The following PAPPA2 variants were observed in gnomAD, a reference collection of about 807,000 sequenced individuals.
PAPPA2 encodes pappalysin 2, also known as pappalysin-2.
A neutral mutation model predicts 176.4 loss-of-function variants in PAPPA2; 86 were observed. The observed-to-expected ratio is 0.49, with a 90% confidence interval of 0.41 to 0.58. The LOEUF (loss-of-function observed/expected upper bound fraction) is 0.58. Ranked by LOEUF, PAPPA2 falls within the 20% of genes least tolerant of loss-of-function variation. The pLI is 0.00. For synonymous variants in PAPPA2, 809 were observed against 852.2 expected (o/e 0.95, Z 0.88); for missense variants, 2,073 against 2,256.9 (o/e 0.92, Z 1.65).
intron 1 of PAPPA2, among the ~76,000 whole-genome samples, chr1:176,532,258 T>G (rs925912007): frequency 6.6e-6 from 1 of 152,174 alleles, no homozygotes; most frequent in Non-Finnish European, 1.5e-5. Context: ...GAGGTAAGCT[T>G]TTATGCCTCT....
In PAPPA2 at chr1:176,699,423, AC is replaced by A. The variant is rs1660544007; in HGVS notation, c.3072del (p.Phe1025LeufsTer5). 1 of 1,613,898 alleles carries A rather than the reference AC, an allele frequency of 6.2e-7. No homozygotes were observed. The highest frequency in any genetic ancestry group is 8.5e-7 in the Non-Finnish European group (1 of 1,179,996). On this transcript the variant is annotated frameshift_variant, in exon 8 of 23. Coordinates refer to ENST00000367662, the MANE Select transcript of PAPPA2 (RefSeq NM_020318.3). LOFTEE classifies it high-confidence loss of function. ...DGKVSGVKVY[T>X]FDERIEIDAA... Reference sequence around the variant, plus strand: ...GAAGGTGTCGGGGGTGAAAGTCTACACCTTTGATGAGAGGATAGAGATTGAT... The same window carrying A: ...GAAGGTGTCGGGGGTGAAAGTCTACACTTTGATGAGAGGATAGAGATTGAT...
chr1:176,590,268 C>T (rs564172201), intron 2 of PAPPA2, among the ~76,000 whole-genome samples: 16 of 152,304 alleles, frequency 1.1e-4, no homozygotes, highest in African/African-American at 3.4e-4. Flanking sequence ...GTAATGGAAT[C>T]GACTCAAACT....
chr1:176,473,712 G>C (rs1427694098), intron 1 of PAPPA2, among the ~76,000 whole-genome samples: 2 of 152,128 alleles, frequency 1.3e-5, no homozygotes, highest in Admixed American at 1.3e-4. Context: ...CAGTGTTTTG[G>C]ATTTTAGTCA....
At chr1:176,466,636 T>C (rs1414578790) in intron 1 of PAPPA2, among the ~76,000 whole-genome samples, 1 of 152,092 alleles carries the variant, frequency 6.6e-6, no homozygotes, top group East Asian at 1.9e-4. Context: ...GAGCCTTGAA[T>C]GAATCAGAGT....
At chr1:176,796,657 T>C (rs932075898) in intron 20 of PAPPA2, among the ~76,000 whole-genome samples, 1 of 151,460 alleles carries the variant, frequency 6.6e-6, no homozygotes, top group South Asian at 2.1e-4. Flanking sequence ...TCTTTCTTTT[T>C]CTTTCTTCTT....
chr1:176,817,467 G>A (rs1666449437), intron 21 of PAPPA2, among the ~76,000 whole-genome samples: 3 of 152,114 alleles, frequency 2.0e-5, no homozygotes, highest in Admixed American at 6.6e-5. Flanking sequence ...AAGATCAGAT[G>A]TGATACATTG....
chr1:176,776,823 A>G (rs1036287445), intron 17 of PAPPA2, among the ~76,000 whole-genome samples: 2 of 151,038 alleles, frequency 1.3e-5, no homozygotes, highest in African/African-American at 4.8e-5. Flanking sequence ...TTAACAAAAT[A>G]ATAGTATAGT....
chr1:176,823,248 A>C (rs142646438), intron 21 of PAPPA2, among the ~76,000 whole-genome samples: 127 of 152,320 alleles, frequency 8.3e-4, no homozygotes, highest in African/African-American at 3.0e-3. Context: ...TGTATTAGTC[A>C]AGTGTTCCTG....
chr1:176,761,786 G>A (rs1663711117), intron 14 of PAPPA2, among the ~76,000 whole-genome samples: 1 of 152,166 alleles, frequency 6.6e-6, no homozygotes. Flanking sequence ...TCTCCAAACA[G>A]CTTTAGTTTT....
intron 1 of PAPPA2, among the ~76,000 whole-genome samples, chr1:176,552,835 G>GA (rs916095245): frequency 1.7e-4 from 26 of 151,854 alleles, no homozygotes; most frequent in East Asian, 3.9e-4. Flanking sequence ...GCTTTGGAGT[G>GA]AAAAAAAGGG....
chr1:176,572,470 C>A (rs929537086), intron 2 of PAPPA2, among the ~76,000 whole-genome samples: 1 of 152,030 alleles, frequency 6.6e-6, no homozygotes, highest in East Asian at 1.9e-4. Flanking sequence ...GACTCTCAAA[C>A]CAGTGAGGGA....
At chr1:176,559,562 CAT>C (rs2102595759) in intron 2 of PAPPA2, among the ~76,000 whole-genome samples, 1 of 152,320 alleles carries the variant, frequency 6.6e-6, no homozygotes, top group East Asian at 1.9e-4. Flanking sequence ...GCCTGAGAAC[CAT>C]AATGTTGCCA....
chr1:176,580,272 G>A (rs1652886580), intron 2 of PAPPA2, among the ~76,000 whole-genome samples: 1 of 152,152 alleles, frequency 6.6e-6, no homozygotes, highest in Non-Finnish European at 1.5e-5. Context: ...TTAACTTTCT[G>A]TTCCTGGCTT....
chr1:176,623,631 CTTTCTTT>C, intron 3 of PAPPA2, among the ~76,000 whole-genome samples: 2 of 27,106 alleles, frequency 7.4e-5, no homozygotes, highest in African/African-American at 1.1e-4. Flanking sequence ...TCCTTTTTTA[CTTTCTTT>C]CTTTCTTTCT....
At chr1:176,646,967 GT>G (rs1230730347) in intron 3 of PAPPA2, among the ~76,000 whole-genome samples, 1 of 151,478 alleles carries the variant, frequency 6.6e-6, no homozygotes. Context: ...TCTATTATTA[GT>G]TTTTTGAGGG....
At chr1:176,812,446 A>G (rs1666195225) in intron 21 of PAPPA2, among the ~76,000 whole-genome samples, 1 of 152,138 alleles carries the variant, frequency 6.6e-6, no homozygotes, top group South Asian at 2.1e-4. Context: ...CTCTTTTCAC[A>G]GGGACTTTGC....
intron 1 of PAPPA2, among the ~76,000 whole-genome samples, chr1:176,515,938 C>G (rs1214647584): frequency 6.6e-6 from 1 of 152,144 alleles, no homozygotes; most frequent in Non-Finnish European, 1.5e-5. Context: ...TTAGTCCCCA[C>G]AACAGTTCTC....
At chr1:176,551,481 G>A (rs1429674699) in intron 1 of PAPPA2, among the ~76,000 whole-genome samples, 1 of 152,112 alleles carries the variant, frequency 6.6e-6, no homozygotes, top group Non-Finnish European at 1.5e-5. Context: ...ACCACATTAA[G>A]GGGCATCTCT....
chr1:176,621,608 C>A, intron 3 of PAPPA2, among the ~76,000 whole-genome samples: 1 of 152,052 alleles, frequency 6.6e-6, no homozygotes, highest in South Asian at 2.1e-4. Flanking sequence ...TTTGACAAAG[C>A]CAATTTCTTA....
Sources: gnomAD v4.1 joint callset for allele counts (sites outside exome capture counted in the v4.1 genomes callset) on GRCh38, gnomAD v4.1.1 for gene constraint, MANE v1.5 for transcripts, NCBI Gene and HGNC (gene_info 2026-07-23, HGNC 2026-07-21) for gene names.